FARSB: variants seen among roughly 807,000 people sequenced by gnomAD.
The protein encoded by FARSB is phenylalanine--tRNA ligase beta subunit.
In FARSB, 40 loss-of-function variants were observed where a neutral mutation model predicts 69.6. That is an observed-to-expected ratio of 0.57 (90% CI 0.45 to 0.75). The LOEUF is 0.75. Ranked by LOEUF, FARSB falls within the 30% of genes least tolerant of loss-of-function variation. FARSB has a pLI of 0.00. For missense variants in FARSB, 632 were observed against 722.9 expected (o/e 0.87, Z 1.44); for synonymous variants, 235 against 247.2 (o/e 0.95, Z 0.46).
At chr2:222,596,315 A>T (rs892971869) in intron 16 of FARSB, among the ~76,000 whole-genome samples, 2 of 152,218 alleles carry the variant, frequency 1.3e-5, no homozygotes, top group African/African-American at 4.8e-5. Context: ...CAGATTTCTT[A>T]TAACGCACGG....
In FARSB at chr2:222,567,947, C is replaced by T. The variant is rs1434412926; in HGVS notation, c.*3924G>A. 1.3e-5 allele frequency: 2 copies of T among 152,072 alleles called. No homozygotes were observed. The highest frequency in any genetic ancestry group is 6.5e-5 in the Admixed American group (1 of 15,278). 9.4% of individuals were successfully genotyped at this position (152,072 alleles called of 1,614,324 possible). ...ACATCTGTACAATAGAATATTACCT[C>T]ATTTAAAAGAATGAGATAGGTCTAT... On this transcript the variant is annotated 3_prime_UTR_variant, in exon 17 of 17. Transcript: ENST00000281828.
At chr2:222,645,834 T>A (rs540214978) in intron 2 of FARSB, among the ~76,000 whole-genome samples, 16 of 152,272 alleles carry the variant, frequency 1.1e-4, no homozygotes, top group Admixed American at 3.3e-4. Context: ...ATTGTTTTTT[T>A]ATGAGAAAAA....
intron 16 of FARSB, among the ~76,000 whole-genome samples, chr2:222,592,088 G>C (rs1348958384): frequency 6.6e-6 from 1 of 152,202 alleles, no homozygotes; most frequent in Admixed American, 6.5e-5. Context: ...TGATTTGTAA[G>C]TGAGGATTAG....
rs376359884 is a variant in FARSB, at chr2:222,612,736, A to T, written c.1462+1075T>A. 9.6e-4 allele frequency among the ~76,000 whole-genome samples: 147 copies of T among 152,354 alleles called. 1 individual carries two copies. The highest frequency in any genetic ancestry group is 3.3e-3 in the African/African-American group (137 of 41,590). On this transcript the variant is annotated intron_variant, in intron 15 of 16. Transcript: ENST00000281828. ...GTATTGCTCACCAAGGGACCAATGC[A>T]CATACAGCTTCGAACAGTCAGATTT...
intron 16 of FARSB, among the ~76,000 whole-genome samples, chr2:222,595,230 A>AT (rs1194252543): frequency 6.6e-6 from 1 of 152,254 alleles, no homozygotes. Context: ...AATGTTTTGT[A>AT]TAAATCAAAC....
At chr2:222,614,575 T>C (rs1201755330) in intron 14 of FARSB, among the ~76,000 whole-genome samples, 1 of 152,250 alleles carries the variant, frequency 6.6e-6, no homozygotes. Flanking sequence ...TCAGGCACAG[T>C]GGCTCATGCC....
chr2:222,625,732 G>A (rs1471655810), intron 10 of FARSB, among the ~76,000 whole-genome samples: 8 of 152,198 alleles, frequency 5.3e-5, no homozygotes, highest in African/African-American at 1.9e-4. Context: ...TGAACAGTAC[G>A]AGATGCATTT....
At position 222,648,680 on chromosome 2, in the gene FARSB, CCCTGAAAAATAAG is replaced by C. The variant is rs528651773; in HGVS notation, c.114+47_114+59del. The C allele has an allele frequency of 2.1e-4, 211 of 1,003,914 alleles. 5 individuals are homozygous for C. The South Asian group carries it at 2.6e-3, about 12-fold the overall frequency. The allele number at this position is 1,003,914 out of a possible 1,614,324, so 62.2% of individuals were successfully genotyped here. On this transcript the variant is annotated intron_variant, in intron 2 of 16. Transcript: ENST00000281828. ...GTAACAAAGATGAAATACAGTATAA[CCCTGAAAAATAAG>C]CTTATGCACACAATCTTTGAAAAAT...
At chr2:222,641,578 T>A (rs1691720286) in intron 3 of FARSB, among the ~76,000 whole-genome samples, 2 of 152,238 alleles carry the variant, frequency 1.3e-5, no homozygotes, top group African/African-American at 4.8e-5. Context: ...TAAGTTCTCA[T>A]GTGATTCAGA....
At chr2:222,646,010 CAGAGA>C (rs1430377770) in intron 2 of FARSB, among the ~76,000 whole-genome samples, 2 of 152,084 alleles carry the variant, frequency 1.3e-5, no homozygotes, top group Non-Finnish European at 2.9e-5. Flanking sequence ...ATTAAAAGTA[CAGAGA>C]AGAGATCTAT....
Position 222,630,135 on chromosome 2 carries a change from C to A in FARSB, c.826G>T (p.Glu276Ter). 1 of 1,560,644 alleles carries A rather than the reference C, an allele frequency of 6.4e-7. No individual in the cohort carries two copies. The highest frequency in any genetic ancestry group is 8.7e-7 in the Non-Finnish European group (1 of 1,154,846). Residue 276 changes from glutamate to a stop codon, truncating the protein, a stop_gained, in exon 9 of 17, where the codon GAA becomes TAA. Transcript: ENST00000281828. LOFTEE classifies it high-confidence loss of function. ...TACGTAAATTGATTCTCACAATATTCACTGAACATGGTGACAATAATATCA... is the reference window on the plus strand; with the variant it reads ...TACGTAAATTGATTCTCACAATATTAACTGAACATGGTGACAATAATATCA... ...VLDIIVTMFS[E>*]YCENQFTVEA...
rs1280239383 is a variant in FARSB at position 222,639,563 on chromosome 2, A to G, written c.455+17T>C. On this transcript the variant is annotated intron_variant, in intron 5 of 16. Coordinates refer to ENST00000281828, the MANE Select transcript of FARSB (RefSeq NM_005687.5). ...GGAAAGGGGAAGGCAAGGAAGAAAGAAAATGCAACCACAAACCTGCAAATA... is the reference window on the plus strand; with the variant it reads ...GGAAAGGGGAAGGCAAGGAAGAAAGGAAATGCAACCACAAACCTGCAAATA... 7.8e-7 allele frequency: 1 copy of G among 1,290,144 alleles called. No homozygotes were observed. The highest frequency in any genetic ancestry group is 1.3e-5 in the South Asian group (1 of 74,292). 79.9% of individuals were successfully genotyped at this position (1,290,144 alleles called of 1,614,324 possible). A position where few individuals can be genotyped will look rare whatever the true frequency, so the allele number is the denominator to read the frequency against.
chr2:222,613,921 C>T lies in FARSB; in HGVS notation c.1352G>A (p.Arg451His), dbSNP rs780229623. 3 of 1,607,126 alleles carry T rather than the reference C, an allele frequency of 1.9e-6. No individual in the cohort carries two copies. Among genetic ancestry groups the T allele is most frequent in the South Asian group, 1.1e-5 (1 of 90,868 alleles). The change falls in exon 15 of 17, where the codon CGC becomes CAC. Residue 451 changes from arginine to histidine, a missense_variant. Transcript: ENST00000281828. ...CAGGAGGCCAGGAAGAAGGGTAGTG[C>T]GTGCCACCTACAGGAAAAGACATGA... ...NPKTAEFQVA[R>H]TTLLPGLLKT...
intron 16 of FARSB, among the ~76,000 whole-genome samples, chr2:222,580,978 GCCTCATAAGA>G (rs747308168): frequency 6.6e-6 from 1 of 152,058 alleles, no homozygotes; most frequent in Non-Finnish European, 1.5e-5. Flanking sequence ...ATTTTACTTG[GCCTCATAAGA>G]CCCTCAGCAA....
At chr2:222,572,261 A>T (rs969034274) in intron 16 of FARSB, among the ~76,000 whole-genome samples, 1 of 152,162 alleles carries the variant, frequency 6.6e-6, no homozygotes, top group African/African-American at 2.4e-5. Context: ...ATTTTTGGTA[A>T]CAGGGACCCG....
In FARSB at chr2:222,624,366, A is replaced by G; in HGVS notation, c.1076T>C (p.Ile359Thr). Residue 359 changes from isoleucine (I) to threonine (T), a missense_variant, in exon 12 of 17, where the codon ATC becomes ACC. Coordinates refer to ENST00000281828, the MANE Select transcript of FARSB (RefSeq NM_005687.5). ...IEIPPTRADI[I>T]HACDIVEDAA... is the part of the protein sequence containing the mutation. ...ATCTTCTACAATATCACATGCATGGATAATGTCAGCTCTGGTTGGAGGGAT... is the reference window on the plus strand; with the variant it reads ...ATCTTCTACAATATCACATGCATGGGTAATGTCAGCTCTGGTTGGAGGGAT... The G allele has an allele frequency of 6.2e-7, 1 of 1,607,336 alleles. No individual in the cohort carries two copies. The highest frequency in any genetic ancestry group is 8.5e-7 in the Non-Finnish European group (1 of 1,173,794).
intron 2 of FARSB, among the ~76,000 whole-genome samples, chr2:222,644,212 T>C (rs1045661604): frequency 6.6e-6 from 1 of 152,200 alleles, no homozygotes; most frequent in African/African-American, 2.4e-5. Context: ...AATTCACTTC[T>C]GGCCACGAGT....
At chr2:222,576,987 C>T (rs1188624456) in intron 16 of FARSB, among the ~76,000 whole-genome samples, 2 of 152,078 alleles carry the variant, frequency 1.3e-5, no homozygotes, top group Admixed American at 6.6e-5. Context: ...AGTTTTAGAA[C>T]CAGCAGTTTT....
chr2:222,609,134 C>G (rs748322009), intron 15 of FARSB, among the ~76,000 whole-genome samples: 12 of 152,134 alleles, frequency 7.9e-5, no homozygotes, highest in Non-Finnish European at 1.3e-4. Context: ...CAGAGAGATT[C>G]TATCTATATA....
Sources: allele counts gnomAD v4.1 joint callset (sites outside exome capture counted in the v4.1 genomes callset), GRCh38; gene constraint gnomAD v4.1.1; transcripts MANE v1.5; gene names NCBI Gene and HGNC (gene_info 2026-07-23, HGNC 2026-07-21).